The following MAP4K3 variants were observed in gnomAD, a reference collection of about 807,000 sequenced individuals.
The protein encoded by MAP4K3 is MAPK/ERK kinase kinase kinase 3.
Under a neutral mutation model 143.5 loss-of-function variants are expected in MAP4K3, and 94 were observed. The ratio of observed to expected loss-of-function variants is 0.65; its 90% confidence interval spans 0.55 to 0.78. MAP4K3 has a LOEUF of 0.78. MAP4K3 is among the 30% of genes least tolerant of loss of function. The pLI, the probability that MAP4K3 is intolerant of heterozygous loss-of-function variation, is 0.00. For synonymous variants in MAP4K3, 416 were observed against 347.2 expected (o/e 1.20, Z -2.20); for missense variants, 1,077 against 1,068.1 (o/e 1.01, Z -0.12).
chr2:39,405,863 C>T, intron 1 of MAP4K3, among the ~76,000 whole-genome samples: 1 of 151,814 alleles, frequency 6.6e-6, no homozygotes, highest in African/African-American at 2.4e-5. Context: ...CAGAGTGAGA[C>T]CCTATCTCAA....
At chr2:39,310,088 T>C (rs1682891761) in intron 13 of MAP4K3, among the ~76,000 whole-genome samples, 1 of 152,234 alleles carries the variant, frequency 6.6e-6, no homozygotes, top group Admixed American at 6.5e-5. Flanking sequence ...ATCTATCACA[T>C]CAAACATTTA....
intron 1 of MAP4K3, among the ~76,000 whole-genome samples, chr2:39,394,690 G>A (rs1006913786): frequency 3.3e-5 from 5 of 152,136 alleles, no homozygotes; most frequent in African/African-American, 1.2e-4. Context: ...ACGGACAGGA[G>A]AAAGAAATGT....
At chr2:39,307,721 T>C (rs1001514472) in intron 15 of MAP4K3, among the ~76,000 whole-genome samples, 2 of 151,842 alleles carry the variant, frequency 1.3e-5, no homozygotes, top group African/African-American at 2.4e-5. Flanking sequence ...ACATTTTTCA[T>C]AAAAAATACA....
chr2:39,372,233 AT>A (rs148649812), intron 2 of MAP4K3, among the ~76,000 whole-genome samples: 2,338 of 151,858 alleles, frequency 0.015, 59 homozygotes, highest in African/African-American at 0.053. Context: ...AACCAAAAAA[AT>A]GAAAGATCTC....
intron 26 of MAP4K3, among the ~76,000 whole-genome samples, chr2:39,271,413 ATAT>A (rs1300175302): frequency 6.6e-6 from 1 of 152,216 alleles, no homozygotes; most frequent in Admixed American, 6.5e-5. Flanking sequence ...TTTACAACAA[ATAT>A]TATAAAAAAG....
chr2:39,382,238 C>G (rs976406687), intron 1 of MAP4K3, among the ~76,000 whole-genome samples: 6 of 152,138 alleles, frequency 3.9e-5, no homozygotes, highest in African/African-American at 7.2e-5. Flanking sequence ...ATTCAAGCAG[C>G]AATCATTAAG....
At chr2:39,406,245 C>A (rs1667088805) in intron 1 of MAP4K3, among the ~76,000 whole-genome samples, 1 of 151,950 alleles carries the variant, frequency 6.6e-6, no homozygotes, top group Non-Finnish European at 1.5e-5. Context: ...AGAAAAAAGC[C>A]TCCAAAGGAC....
chr2:39,284,485 G>A (rs1681678504), intron 21 of MAP4K3, among the ~76,000 whole-genome samples: 1 of 151,968 alleles, frequency 6.6e-6, no homozygotes, highest in African/African-American at 2.4e-5. Context: ...TTTAAATTAG[G>A]GAGCTCTGAG....
intron 8 of MAP4K3, among the ~76,000 whole-genome samples, chr2:39,329,347 C>G (rs1192290143): frequency 6.6e-6 from 1 of 152,098 alleles, no homozygotes; most frequent in African/African-American, 2.4e-5. Context: ...ATACACATAC[C>G]ATCTTTGAAA....
chr2:39,286,587 A>C (rs192029251), intron 21 of MAP4K3, among the ~76,000 whole-genome samples: 36 of 152,194 alleles, frequency 2.4e-4, no homozygotes, highest in Non-Finnish European at 4.7e-4. Flanking sequence ...TATCTGTATA[A>C]AGAAGATGTT....
chr2:39,353,894 ATC>A (rs1395337156), intron 3 of MAP4K3, among the ~76,000 whole-genome samples: 1 of 152,194 alleles, frequency 6.6e-6, no homozygotes, highest in Non-Finnish European at 1.5e-5. Flanking sequence ...TATTATTATC[ATC>A]TGTTTTATAG....
In MAP4K3 at chr2:39,307,924, A is replaced by C; in HGVS notation, c.1119+19T>G. 1 of 1,514,944 alleles carries C rather than the reference A, an allele frequency of 6.6e-7. No individual in the cohort carries two copies. Among genetic ancestry groups the C allele is most frequent in the Non-Finnish European group, 8.9e-7 (1 of 1,127,552 alleles). 93.8% of individuals were successfully genotyped at this position (1,514,944 alleles called of 1,614,324 possible). ...GACTAAAACAATGCTGACAAAGAAA[A>C]TCAGAAGATGAGAAATACCAGATTA... On this transcript the variant is annotated intron_variant, in intron 15 of 33. Transcript: ENST00000263881.
intron 3 of MAP4K3, among the ~76,000 whole-genome samples, chr2:39,353,609 C>G (rs927558546): frequency 2.6e-5 from 4 of 152,102 alleles, no homozygotes; most frequent in Non-Finnish European, 4.4e-5. Context: ...ATGTTAAATT[C>G]TCTCAAGAAT....
At chr2:39,398,020 C>A (rs1666854827) in intron 1 of MAP4K3, among the ~76,000 whole-genome samples, 1 of 151,834 alleles carries the variant, frequency 6.6e-6, no homozygotes, top group Non-Finnish European at 1.5e-5. Flanking sequence ...TTCCAAGGAC[C>A]CTCATATATT....
chr2:39,265,419 A>G, intron 27 of MAP4K3, 113 bp from the exon 28 acceptor site: 1 of 766,066 alleles, frequency 1.3e-6, no homozygotes, highest in Non-Finnish European at 2.3e-6. Flanking sequence ...AAACAAAATC[A>G]AAAGCTGGTT....
intron 2 of MAP4K3, among the ~76,000 whole-genome samples, chr2:39,376,579 A>C (rs1666224732): frequency 6.6e-6 from 1 of 152,194 alleles, no homozygotes; most frequent in Non-Finnish European, 1.5e-5. Flanking sequence ...CCAGGCCCTA[A>C]GCTCAGTGCT....
At position 39,258,519 on chromosome 2, in the gene MAP4K3, A is replaced by C. The variant is rs1680435573; in HGVS notation, c.2377T>G (p.Cys793Gly). Residue 793 changes from cysteine to glycine, a missense_variant and splice_region_variant, in exon 30 of 34, where the codon TGT (cysteine) becomes GGT (glycine). This residue lies in a region of MAP4K3 where 864 missense variants were observed against 801.2 expected (regional missense o/e 1.08). Transcript: ENST00000263881. ...AAGACATTCATAAATAAAAACTTAC[A>C]GTCCAAGCATACAAGGATGGTATCT... ...ERDTILVCLD[C>G]CIKIVNLQGR... The C allele has an allele frequency of 1.2e-6, 2 of 1,612,612 alleles. No homozygotes were observed. The highest frequency in any genetic ancestry group is 1.7e-6 in the Non-Finnish European group (2 of 1,178,708).
chr2:39,333,438 A>C, intron 7 of MAP4K3, 94 bp downstream of exon 7: 1 of 914,040 alleles, frequency 1.1e-6, no homozygotes, highest in South Asian at 1.4e-5. Flanking sequence ...ATGCCGTCTT[A>C]GGAGAGGGAA....
intron 15 of MAP4K3, among the ~76,000 whole-genome samples, chr2:39,300,628 G>A (rs2148489276): frequency 6.6e-6 from 1 of 152,272 alleles, no homozygotes; most frequent in Non-Finnish European, 1.5e-5. Flanking sequence ...TTTAAAAAAT[G>A]AATCTTATTT....
Sources: allele counts gnomAD v4.1 joint callset (sites outside exome capture counted in the v4.1 genomes callset), GRCh38; gene constraint gnomAD v4.1.1; regional missense constraint gnomAD v4.1.1; transcripts MANE v1.5; gene names NCBI Gene and HGNC (gene_info 2026-07-23, HGNC 2026-07-21).